The following APC variants were observed in gnomAD, a reference collection of about 807,000 sequenced individuals.
APC encodes APC regulator of Wnt signaling pathway.
Under a neutral mutation model 247.0 loss-of-function variants are expected in APC, and 72 were observed. That is an observed-to-expected ratio of 0.29 (90% CI 0.24 to 0.35). The LOEUF is 0.35. APC is among the 10% of genes least tolerant of loss of function. APC has a pLI of 1.00. For synonymous variants in APC, 1,254 were observed against 1,162.5 expected, an observed-to-expected ratio of 1.08 and a Z score of -1.60; for missense variants, 3,400 against 3,360.7, an observed-to-expected ratio of 1.01 and a Z score of -0.29.
rs1762855929 is a variant in APC at position 112,819,243 on chromosome 5, T to C, written c.1211T>C (p.Ile404Thr). The change falls in exon 10 of 16, where the codon ATC (isoleucine) becomes ACC (threonine). Residue 404 changes from isoleucine (I) to threonine (T), a missense_variant. Coordinates refer to ENST00000257430, the MANE Select transcript of APC (RefSeq NM_000038.6). ...QPDDKRGRRE[I>T]RVLHLLEQIR... is the part of the protein sequence containing the mutation. ...GATGACAAGAGAGGCAGGCGTGAAATCCGAGTCCTTCATCTTTTGGAACAG... is the reference window on the plus strand; with the variant it reads ...GATGACAAGAGAGGCAGGCGTGAAACCCGAGTCCTTCATCTTTTGGAACAG... 6.2e-7 allele frequency: 1 copy of C among 1,613,912 alleles called. No homozygotes were observed. Among genetic ancestry groups the C allele is most frequent in the Non-Finnish European group, 8.5e-7 (1 of 1,179,942 alleles).
At chr5:112,726,430 A>G (rs996328930) in intron 1 of APC, among the ~76,000 whole-genome samples, 11 of 152,154 alleles carry the variant, frequency 7.2e-5, no homozygotes, top group Admixed American at 6.5e-5. Context: ...TCCCCAGCCA[A>G]ACTCCTCTCG....
chr5:112,787,472 G>C (rs1224502867), intron 6 of APC, among the ~76,000 whole-genome samples: 8 of 152,238 alleles, frequency 5.3e-5, no homozygotes, highest in South Asian at 4.1e-4. Flanking sequence ...TCCATCACTT[G>C]TGAGTCAGAA....
rs1554085734 is a variant in APC, at chr5:112,839,890, A to G, written c.4296A>G (p.Pro1432=). ...DLPDSPGQTM[P]PSRSKTPPPP... ...CAGATAGCCCTGGACAAACCATGCCACCAAGCAGAAGTAAAACACCTCCAC... is the reference window on the plus strand; with the variant it reads ...CAGATAGCCCTGGACAAACCATGCCGCCAAGCAGAAGTAAAACACCTCCAC... Residue 1432 remains proline (P), a synonymous_variant, in exon 16 of 16, where the codon CCA becomes CCG. Coordinates refer to ENST00000257430, the MANE Select transcript of APC (RefSeq NM_000038.6). The surrounding 1 kb of genome is among the most constrained non-coding windows in gnomAD (Gnocchi z 5.0). 1 of 1,614,054 alleles carries G rather than the reference A, an allele frequency of 6.2e-7. No homozygotes were observed. Among genetic ancestry groups the G allele is most frequent in the Non-Finnish European group, 8.5e-7 (1 of 1,179,988 alleles).
rs62626346 is a variant in APC at position 112,835,173 on chromosome 5, T to C, written c.1958+8T>C. 5,858 of 1,602,474 alleles carry C rather than the reference T, an allele frequency of 3.7e-3. 128 individuals are homozygous for C. The East Asian group carries it at 0.066, about 18-fold the overall frequency. On this transcript the variant is annotated splice_region_variant and intron_variant, in intron 15 of 15. Transcript: ENST00000257430. Reference sequence around the variant, plus strand: ...TACAAATGAGGACCACAGGTATATATAGAGTTTTATATTACTTTTAAAGTA... The same window carrying C: ...TACAAATGAGGACCACAGGTATATACAGAGTTTTATATTACTTTTAAAGTA...
chr5:112,773,909 A>C (rs939597822), intron 4 of APC, among the ~76,000 whole-genome samples: 6 of 152,200 alleles, frequency 3.9e-5, no homozygotes, highest in Non-Finnish European at 7.3e-5. Flanking sequence ...CCAGTGATAC[A>C]CCATTTAAAA....
At chr5:112,713,170 CAAAAA>C (rs10625710) in intron 1 of APC, among the ~76,000 whole-genome samples, 1 of 107,892 alleles carries the variant, frequency 9.3e-6, no homozygotes, top group Non-Finnish European at 1.8e-5. Flanking sequence ...GACTCCATAG[CAAAAA>C]AAAAAAAAAA....
chr5:112,729,360 A>T (rs1204991183), intron 1 of APC, among the ~76,000 whole-genome samples: 1 of 152,226 alleles, frequency 6.6e-6, no homozygotes, highest in Non-Finnish European at 1.5e-5. Context: ...TGTGGTAGAA[A>T]GTGTGAGGAT....
At position 112,844,189 on chromosome 5, in the gene APC, G is replaced by C. The variant is rs2150007609; in HGVS notation, c.*63G>C. The C allele has an allele frequency of 6.9e-7, 1 of 1,452,846 alleles. No homozygotes were observed. Among genetic ancestry groups the C allele is most frequent in the East Asian group, 2.4e-5 (1 of 42,452 alleles). The allele number at this position is 1,452,846 out of a possible 1,614,324, so 90.0% of individuals were successfully genotyped here. A position where few individuals can be genotyped will look rare whatever the true frequency, so the allele number is the denominator to read the frequency against. ...ATTACAACTGCTATATAGACATTTT[G>C]TTTCAAATGAAACTTTAAAAGACTG... is the stretch of plus-strand genomic sequence containing the variant. On this transcript the variant is annotated 3_prime_UTR_variant, in exon 16 of 16. Coordinates refer to ENST00000257430, the MANE Select transcript of APC (RefSeq NM_000038.6).
intron 1 of APC, among the ~76,000 whole-genome samples, chr5:112,710,521 TC>T (rs1198317947): frequency 2.0e-5 from 3 of 152,190 alleles, no homozygotes; most frequent in African/African-American, 7.2e-5. Context: ...CATTTTCACT[TC>T]CTGTCCACCT....
intron 1 of APC, among the ~76,000 whole-genome samples, chr5:112,725,084 A>G (rs1216291781): frequency 6.6e-6 from 1 of 152,036 alleles, no homozygotes; most frequent in African/African-American, 2.4e-5. Flanking sequence ...CCTGGATTCA[A>G]GCCATTCTCG....
intron 2 of APC, among the ~76,000 whole-genome samples, chr5:112,765,940 G>A (rs973769367): frequency 1.3e-5 from 2 of 152,176 alleles, no homozygotes; most frequent in Non-Finnish European, 2.9e-5. Flanking sequence ...TTATGGTCAT[G>A]TTGGTGCACG....
chr5:112,845,560 A>G lies in APC; in HGVS notation c.*1434A>G, dbSNP rs753037717. The stretch of plus-strand genomic sequence containing the variant: ...GCCATGCTCAGAAAATTCAAATCAC[A>G]TGGAACTTTAGAGGTAGATTTAATA... On this transcript the variant is annotated 3_prime_UTR_variant, in exon 16 of 16. Coordinates refer to ENST00000257430, the MANE Select transcript of APC (RefSeq NM_000038.6). 1.3e-5 allele frequency: 3 copies of G among 232,734 alleles called. No individual in the cohort carries two copies. The highest frequency in any genetic ancestry group is 5.6e-5 in the Admixed American group (1 of 17,758). 14.4% of individuals were successfully genotyped at this position (232,734 alleles called of 1,614,324 possible). A position where few individuals can be genotyped will look rare whatever the true frequency, so the allele number is the denominator to read the frequency against.
At chr5:112,740,340 T>C (rs1020932722) in intron 1 of APC, among the ~76,000 whole-genome samples, 5 of 152,162 alleles carry the variant, frequency 3.3e-5, no homozygotes, top group Admixed American at 6.5e-5. Context: ...CTAAAGTTTA[T>C]TTCATTCCTC....
In APC at chr5:112,838,128, G is replaced by C. The variant is rs776878597; in HGVS notation, c.2534G>C (p.Arg845Pro). The change falls in exon 16 of 16, where the codon CGT (arginine) becomes CCT (proline). Residue 845 changes from arginine to proline, a missense_variant. Physicochemically the swap from Arg to Pro is moderately radical, Grantham distance 103. Around this residue, in one of 9 missense-constraint regions of APC, gnomAD observed 715 missense variants for 656.6 expected, o/e 1.09. Transcript: ENST00000257430. ...TCAAGAGGAAGCTTAGATAGTTCTC[G>C]TTCTGAAAAAGATAGAAGTTTGGAG... ...SSSRGSLDSS[R>P]SEKDRSLERE... The C allele has an allele frequency of 1.2e-6, 2 of 1,614,108 alleles. No individual in the cohort carries two copies. Among genetic ancestry groups the C allele is most frequent in the East Asian group, 2.2e-5 (1 of 44,880 alleles).
At position 112,839,007 on chromosome 5, in the gene APC, A is replaced by T. The variant is rs748002967; in HGVS notation, c.3413A>T (p.Asp1138Val). 6.2e-7 allele frequency: 1 copy of T among 1,614,072 alleles called. No individual in the cohort carries two copies. Among genetic ancestry groups the T allele is most frequent in the Non-Finnish European group, 8.5e-7 (1 of 1,180,042 alleles). The change falls in exon 16 of 16, where the codon GAT becomes GTT. Residue 1138 changes from aspartate to valine, a missense_variant. By Grantham distance (152) the Asp-to-Val change is radical. Around this residue, in one of 9 missense-constraint regions of APC, gnomAD observed 715 missense variants for 656.6 expected, o/e 1.09. Transcript: ENST00000257430. This position sits in a 1 kb window ranked among gnomAD's most constrained non-coding sequence, Gnocchi z 5.0. ...SLCQEDDYED[D>V]KPTNYSERYS... ...TGTCAAGAAGATGACTATGAAGATGATAAGCCTACCAATTATAGTGAACGT... is the reference window on the plus strand; with the variant it reads ...TGTCAAGAAGATGACTATGAAGATGTTAAGCCTACCAATTATAGTGAACGT...
chr5:112,843,393 A>C lies in APC; in HGVS notation c.7799A>C (p.Gln2600Pro). The change falls in exon 16 of 16, where the codon CAA (glutamine) becomes CCA (proline). Residue 2600 changes from glutamine to proline, a missense_variant. Gln to Pro is a moderately conservative substitution (Grantham distance 76). Transcript: ENST00000257430. This position sits in a 1 kb window ranked among gnomAD's most constrained non-coding sequence, Gnocchi z 4.8. ...GTGAACTCTATTTCAGGAACCAAAC[A>C]AAGTAAAGAAAACCAAGTATCCGCA... ...KHVNSISGTK[Q>P]SKENQVSAKG... 6.2e-7 allele frequency: 1 copy of C among 1,613,300 alleles called. No individual in the cohort carries two copies. The highest frequency in any genetic ancestry group is 2.2e-5 in the East Asian group (1 of 44,892).
chr5:112,783,144 G>T (rs1758537191), intron 6 of APC, among the ~76,000 whole-genome samples: 1 of 152,102 alleles, frequency 6.6e-6, no homozygotes, highest in Non-Finnish European at 1.5e-5. Context: ...GATGGTAGTT[G>T]TAAAAATTCT....
intron 2 of APC, among the ~76,000 whole-genome samples, chr5:112,755,295 A>G (rs1754844999): frequency 6.6e-6 from 1 of 152,236 alleles, no homozygotes; most frequent in Non-Finnish European, 1.5e-5. Flanking sequence ...CAAATATAGC[A>G]TCACTGTACT....
At position 112,845,993 on chromosome 5, in the gene APC, TC is replaced by T. The variant is rs970216294; in HGVS notation, c.*1869del. 4.7e-5 allele frequency: 11 copies of T among 232,104 alleles called. No homozygotes were observed. The highest frequency in any genetic ancestry group is 6.0e-5 in the Non-Finnish European group (7 of 117,454). 14.4% of individuals were successfully genotyped at this position (232,104 alleles called of 1,614,324 possible). ...CTACCCCTTACCTGTGTTTATAACT[TC>T]CAGGTAATGAGAATGATTTTTTTTA... is the stretch of plus-strand genomic sequence containing the variant. On this transcript the variant is annotated 3_prime_UTR_variant, in exon 16 of 16. Transcript: ENST00000257430.
Sources: allele counts gnomAD v4.1 joint callset (sites outside exome capture counted in the v4.1 genomes callset), GRCh38; gene constraint gnomAD v4.1.1; regional missense constraint gnomAD v4.1.1; non-coding constraint Gnocchi (gnomAD v3.1); transcripts MANE v1.5; gene names NCBI Gene and HGNC (gene_info 2026-07-23, HGNC 2026-07-21).